Variants in SUCLG2 observed in about 807,000 individuals in gnomAD.
SUCLG2 encodes the protein succinate--CoA ligase [GDP-forming] subunit beta, mitochondrial.
SUCLG2 carries 42 observed loss-of-function variants against 47.9 expected under a neutral mutation model. The ratio of observed to expected loss-of-function variants is 0.88; its 90% CI spans 0.69 to 1.14. The LOEUF (loss-of-function observed/expected upper bound fraction) is 1.14, where lower values mean the gene tolerates loss of function less well. Among genes scored for constraint, SUCLG2 ranks in the 50% most tolerant of loss-of-function variants. The pLI, the probability that SUCLG2 is intolerant of heterozygous loss-of-function variation, is 0.00. For synonymous variants in SUCLG2, 195 were observed against 197.3 expected (o/e 0.99, Z 0.10); for missense variants, 571 against 525.9 (o/e 1.09, Z -0.84).
At chr3:67,459,620 G>C (rs772986396) in intron 9 of SUCLG2, among the ~76,000 whole-genome samples, 2 of 152,210 alleles carry the variant, frequency 1.3e-5, no homozygotes, top group African/African-American at 2.4e-5. Context: ...TGGTAAATGA[G>C]AGAAAGTATG....
intron 1 of SUCLG2, among the ~76,000 whole-genome samples, chr3:67,625,824 T>C (rs1340710955): frequency 6.6e-6 from 1 of 151,962 alleles, no homozygotes; most frequent in Non-Finnish European, 1.5e-5. Context: ...ACAGAAAGGA[T>C]GAATGTAAGA....
chr3:67,407,716 T>A (rs1702846928), intron 9 of SUCLG2, among the ~76,000 whole-genome samples: 1 of 152,194 alleles, frequency 6.6e-6, no homozygotes, highest in African/African-American at 2.4e-5. Context: ...GTAGCAGGCA[T>A]GAGGTTGATA....
intron 6 of SUCLG2, chr3:67,514,452 C>A (rs116840098): frequency 4.1e-6 from 1 of 246,018 alleles, no homozygotes; most frequent in Non-Finnish European, 8.1e-6. Flanking sequence ...TATTCACGTA[C>A]GCCTCTCAAA....
At chr3:67,585,979 A>C (rs1458664691) in intron 2 of SUCLG2, among the ~76,000 whole-genome samples, 1 of 141,384 alleles carries the variant, frequency 7.1e-6, no homozygotes, top group Non-Finnish European at 1.5e-5. Context: ...AAAAAAAAAA[A>C]AAAAAAAAAA....
Position 67,483,822 on chromosome 3 carries a change from C to G in SUCLG2, c.1062+11976G>C, listed in dbSNP as rs550813898. Among the ~76,000 whole-genome samples, 12 of 152,290 alleles carry G rather than the reference C, an allele frequency of 7.9e-5. No individual in the cohort carries two copies. The South Asian group carries it at 8.3e-4, about 11-fold the overall frequency. The stretch of plus-strand genomic sequence containing the variant: ...GCTGGAGAACACCCCCCTACCTACT[C>G]AAGTCATTCTTGCTGTGGAATGAAT... On this transcript the variant is annotated intron_variant, in intron 9 of 10. Transcript: ENST00000307227.
chr3:67,639,185 G>T (rs534394370), intron 1 of SUCLG2, among the ~76,000 whole-genome samples: 9 of 152,102 alleles, frequency 5.9e-5, no homozygotes, highest in African/African-American at 1.9e-4. Context: ...CGAAAAAAAT[G>T]TATATGTATC....
At chr3:67,413,597 A>T (rs562147540) in intron 9 of SUCLG2, among the ~76,000 whole-genome samples, 73 of 152,232 alleles carry the variant, frequency 4.8e-4, no homozygotes, top group Non-Finnish European at 1.0e-3. Context: ...TGAGCTGTTA[A>T]CAGTCAACCA....
At chr3:67,598,157 A>G (rs1051943483) in intron 2 of SUCLG2, among the ~76,000 whole-genome samples, 2 of 151,644 alleles carry the variant, frequency 1.3e-5, no homozygotes, top group Non-Finnish European at 2.9e-5. Flanking sequence ...ATTTTTTTGT[A>G]TTTTAGTAGA....
At chr3:67,515,323 T>C (rs1215025015) in intron 6 of SUCLG2, among the ~76,000 whole-genome samples, 2 of 152,186 alleles carry the variant, frequency 1.3e-5, no homozygotes, top group East Asian at 3.9e-4. Flanking sequence ...ACTGGAAGTC[T>C]TGGGACGTAT....
chr3:67,490,437 T>G lies in SUCLG2; in HGVS notation c.1062+5361A>C, dbSNP rs187615220. On this transcript the variant is annotated intron_variant, in intron 9 of 10. Transcript: ENST00000307227. ...AAAAAGAGCTGGCCTCTTCTCAAAT[T>G]TATAACAAATTATATTTTGTTCTTC... Among the ~76,000 whole-genome samples the G allele has an allele frequency of 2.7e-3, 406 of 152,316 alleles. 1 individual carries two copies. The highest frequency in any genetic ancestry group is 9.2e-3 in the African/African-American group (383 of 41,562).
intron 10 of SUCLG2, among the ~76,000 whole-genome samples, chr3:67,397,303 C>G (rs1279140817): frequency 6.6e-6 from 1 of 152,108 alleles, no homozygotes; most frequent in Non-Finnish European, 1.5e-5. Context: ...TCTCCTTAAG[C>G]TGATAAGCAA....
chr3:67,494,368 C>T (rs1450755102), intron 9 of SUCLG2, among the ~76,000 whole-genome samples: 1 of 152,122 alleles, frequency 6.6e-6, no homozygotes, highest in Non-Finnish European at 1.5e-5. Context: ...ATTGTGATGG[C>T]TCACGCCTGT....
chr3:67,519,095 C>CT (rs1340958949), intron 5 of SUCLG2, among the ~76,000 whole-genome samples: 8 of 152,144 alleles, frequency 5.3e-5, no homozygotes, highest in Admixed American at 4.6e-4. Context: ...GCCAAGGCCA[C>CT]TGTCTCTGTG....
downstream of SUCLG2, among the ~76,000 whole-genome samples, chr3:67,373,100 A>G (rs1215418742): frequency 1.3e-5 from 2 of 152,060 alleles, no homozygotes; most frequent in Non-Finnish European, 2.9e-5. Context: ...CTTCCCCACT[A>G]TGATATATAT....
intron 2 of SUCLG2, among the ~76,000 whole-genome samples, chr3:67,542,778 C>G (rs1266011710): frequency 6.6e-6 from 1 of 152,104 alleles, no homozygotes; most frequent in Non-Finnish European, 1.5e-5. Flanking sequence ...GCTAACCATC[C>G]TCAATATATA....
At chr3:67,637,351 A>T (rs1384485322) in intron 1 of SUCLG2, among the ~76,000 whole-genome samples, 1 of 152,180 alleles carries the variant, frequency 6.6e-6, no homozygotes, top group East Asian at 1.9e-4. Context: ...ACTTATTCAG[A>T]AGATTTCAAT....
chr3:67,438,667 C>G (rs1389980687), intron 9 of SUCLG2, among the ~76,000 whole-genome samples: 1 of 152,108 alleles, frequency 6.6e-6, no homozygotes, highest in Non-Finnish European at 1.5e-5. Context: ...GACACATACA[C>G]CCTCCCAAGA....
At chr3:67,392,800 T>C (rs1334906143) in intron 10 of SUCLG2, among the ~76,000 whole-genome samples, 2 of 151,676 alleles carry the variant, frequency 1.3e-5, no homozygotes, top group African/African-American at 4.9e-5. Context: ...AGTGGCACCA[T>C]ACTGTGCTAG....
At chr3:67,525,497 AAAG>A (rs1221697011) in intron 4 of SUCLG2, among the ~76,000 whole-genome samples, 5 of 152,220 alleles carry the variant, frequency 3.3e-5, no homozygotes, top group Non-Finnish European at 7.3e-5. Flanking sequence ...GAATTTTGAC[AAAG>A]ATGTAAAAGC....
Sources: gnomAD v4.1 joint callset for allele counts (sites outside exome capture counted in the v4.1 genomes callset) on GRCh38, gnomAD v4.1.1 for gene constraint, MANE v1.5 for transcripts, NCBI Gene and HGNC (gene_info 2026-07-23, HGNC 2026-07-21) for gene names.